The following RNU4-1 variants were observed in gnomAD, a reference collection of about 807,000 sequenced individuals.
RNU4-1 encodes the protein RNA, U4 small nuclear 1.
chr12:120,293,115 A>G (rs959443655), exon 1 of RNU4-1: 3 of 152,158 alleles, frequency 2.0e-5, no homozygotes, highest in Non-Finnish European at 4.4e-5. Flanking sequence ...GAGACTGTCA[A>G]AAATTGCCAG....
At chr12:120,293,114 A>C (rs895425795) in exon 1 of RNU4-1, 1 of 152,166 alleles carries the variant, frequency 6.6e-6, no homozygotes, top group Admixed American at 6.6e-5. Flanking sequence ...AGAGACTGTC[A>C]AAAATTGCCA....
exon 1 of RNU4-1, chr12:120,293,205 T>A (rs541996424): frequency 6.6e-6 from 1 of 152,194 alleles, no homozygotes; most frequent in Non-Finnish European, 1.5e-5. Flanking sequence ...CGGATAGACC[T>A]CATTGGCTAC....
chr12:120,293,157 G>T (rs76386952), exon 1 of RNU4-1: 21 of 152,272 alleles, frequency 1.4e-4, no homozygotes, highest in Admixed American at 8.5e-4. Flanking sequence ...TCACGGCGGG[G>T]TATTGGGAAA....
exon 1 of RNU4-1, chr12:120,293,197 G>C (rs568959246): frequency 3.3e-5 from 5 of 152,160 alleles, no homozygotes; most frequent in East Asian, 1.9e-4. Flanking sequence ...TCGCGCCTCG[G>C]ATAGACCTCA....
chr12:120,293,231 C>CG (rs1872146750), exon 1 of RNU4-1: 1 of 152,290 alleles, frequency 6.6e-6, no homozygotes, highest in Admixed American at 6.5e-5. Context: ...TGCCACTGCG[C>CG]AAAGCTAATT....
At position 120,293,136 on chromosome 12, in the gene RNU4-1, A is replaced by G. The variant is rs753434797; in HGVS notation, n.102T>C. On this transcript the variant is annotated non_coding_transcript_exon_variant, in exon 1 of 1. Transcript: ENST00000363925. ...GTCAAAAATTGCCAGTGCCGACTAT[A>G]TTGCAAGTCGTCACGGCGGGGTATT... 8 of 152,304 alleles carry G rather than the reference A, an allele frequency of 5.3e-5. No homozygotes were observed. In the South Asian group the frequency reaches 6.2e-4, roughly 12 times the overall value. 9.4% of individuals were successfully genotyped at this position (152,304 alleles called of 1,614,324 possible).
exon 1 of RNU4-1, chr12:120,293,116 A>G (rs1012471250): frequency 6.6e-6 from 1 of 152,148 alleles, no homozygotes; most frequent in Non-Finnish European, 1.5e-5. Context: ...AGACTGTCAA[A>G]AATTGCCAGT....
chr12:120,293,185 A>T (rs1321007023), exon 1 of RNU4-1: 1 of 152,208 alleles, frequency 6.6e-6, no homozygotes, highest in Non-Finnish European at 1.5e-5. Flanking sequence ...AATTAGCAAT[A>T]ATCGCGCCTC....
At chr12:120,293,103 T>C (rs769997464) in exon 1 of RNU4-1, 20 of 152,234 alleles carry the variant, frequency 1.3e-4, no homozygotes, top group South Asian at 2.1e-4. Flanking sequence ...TCAGTCTCCG[T>C]AGAGACTGTC....
exon 1 of RNU4-1, chr12:120,293,236 C>G (rs535760380): frequency 3.3e-5 from 5 of 152,306 alleles, no homozygotes; most frequent in East Asian, 3.9e-4. Flanking sequence ...CTGCGCAAAG[C>G]TAATTTGTTA....
At chr12:120,293,137 T>A (rs139544226) in exon 1 of RNU4-1, 2 of 152,196 alleles carry the variant, frequency 1.3e-5, no homozygotes, top group Non-Finnish European at 2.9e-5. Context: ...GCCGACTATA[T>A]TGCAAGTCGT....
Sources: gnomAD v4.1 joint callset for allele counts on GRCh38, gnomAD v4.1.1 for gene constraint, MANE v1.5 for transcripts, NCBI Gene and HGNC (gene_info 2026-07-23, HGNC 2026-07-21) for gene names.